Variants in SS18 observed in about 807,000 individuals in gnomAD.
The protein encoded by SS18 is protein SSXT.
In SS18, 28 loss-of-function variants were observed where a neutral mutation model predicts 72.5. The observed-to-expected ratio is 0.39, with a 90% CI of 0.29 to 0.53. The LOEUF is 0.53. Ranked by LOEUF, SS18 falls within the 20% of genes least tolerant of loss-of-function variation. SS18 has a pLI of 0.76. For missense variants in SS18, 518 were observed against 535.3 expected, an observed-to-expected ratio of 0.97 and a Z score of 0.32; for synonymous variants, 172 against 164.2, an observed-to-expected ratio of 1.05 and a Z score of -0.37.
intron 3 of SS18, among the ~76,000 whole-genome samples, chr18:26,072,167 G>C (rs2054321514): frequency 6.6e-6 from 1 of 151,966 alleles, no homozygotes; most frequent in African/African-American, 2.4e-5. Flanking sequence ...GAACAGAAAT[G>C]AAGTATTTTA....
At chr18:26,047,259 C>CAAAAAAAAA (rs71169806) in intron 5 of SS18, among the ~76,000 whole-genome samples, 133 of 75,328 alleles carry the variant, frequency 1.8e-3, no homozygotes, top group Non-Finnish European at 2.7e-3. Context: ...AGTAATATGC[C>CAAAAAAAAA]AAAAAAAAAA....
intron 5 of SS18, among the ~76,000 whole-genome samples, chr18:26,047,655 C>A (rs2053851779): frequency 6.6e-6 from 1 of 151,934 alleles, no homozygotes; most frequent in African/African-American, 2.4e-5. Flanking sequence ...TCCTGGCTAA[C>A]ACGGTGAAAC....
Position 26,057,786 on chromosome 18 carries a change from T to C in SS18, c.232-44A>G, listed in dbSNP as rs770098506. ...GTAAAACAAGAGAAACAGACTAATA[T>C]ACGAAAGATGCATAGGGTAAAAGAG... is the stretch of plus-strand genomic sequence containing the variant. On this transcript the variant is annotated intron_variant, in intron 3 of 10. Transcript: ENST00000415083. 3.9e-6 allele frequency: 6 copies of C among 1,542,126 alleles called. No homozygotes were observed. In the African/African-American group the frequency reaches 4.1e-5, roughly 11 times the overall value.
chr18:26,043,354 T>A (rs188617583), intron 5 of SS18, among the ~76,000 whole-genome samples: 12 of 152,282 alleles, frequency 7.9e-5, no homozygotes, highest in Admixed American at 5.9e-4. Flanking sequence ...CCTTAAAATA[T>A]AAGAAATTTC....
intron 2 of SS18, 152 bp downstream of exon 2, chr18:26,087,349 C>CGAA: frequency 1.8e-6 from 1 of 548,626 alleles, no homozygotes; most frequent in Non-Finnish European, 3.2e-6. Context: ...CAGCACAACT[C>CGAA]TATGAATATA....
At chr18:26,032,954 G>A (rs547186246) in intron 9 of SS18, among the ~76,000 whole-genome samples, 3 of 152,056 alleles carry the variant, frequency 2.0e-5, no homozygotes, top group Admixed American at 6.6e-5. Flanking sequence ...AGGAATAAAC[G>A]ATATTTACAA....
intron 3 of SS18, among the ~76,000 whole-genome samples, chr18:26,073,413 G>T (rs1214840090): frequency 1.3e-5 from 2 of 152,054 alleles, no homozygotes; most frequent in Non-Finnish European, 2.9e-5. Flanking sequence ...TATACCAAAA[G>T]AAAGTAAAAG....
chr18:26,088,628 T>C (rs2054658218), intron 1 of SS18, among the ~76,000 whole-genome samples: 1 of 152,182 alleles, frequency 6.6e-6, no homozygotes, highest in African/African-American at 2.4e-5. Context: ...AGAGTACTGA[T>C]TGTAGCAATT....
At chr18:26,034,426 G>A (rs1289652035) in intron 9 of SS18, among the ~76,000 whole-genome samples, 1 of 152,024 alleles carries the variant, frequency 6.6e-6, no homozygotes, top group East Asian at 1.9e-4. Context: ...CCAGGTAGCA[G>A]GTATTATAAG....
intron 3 of SS18, among the ~76,000 whole-genome samples, chr18:26,060,566 A>T (rs8095074): frequency 1.6e-5 from 2 of 127,262 alleles, no homozygotes; most frequent in Non-Finnish European, 3.2e-5. Context: ...TATCTCAATT[A>T]AAAAAAGAAT....
At chr18:26,076,283 A>G (rs2144131252) in intron 3 of SS18, among the ~76,000 whole-genome samples, 1 of 151,812 alleles carries the variant, frequency 6.6e-6, no homozygotes, top group Middle Eastern at 3.4e-3. Flanking sequence ...AAAAAAAAAA[A>G]GGAATAAGAT....
chr18:26,084,576 T>C (rs1445540577), intron 2 of SS18, among the ~76,000 whole-genome samples: 1 of 152,134 alleles, frequency 6.6e-6, no homozygotes, highest in African/African-American at 2.4e-5. Flanking sequence ...ATCAAAGTTA[T>C]CACCAATATT....
chr18:26,064,931 C>T (rs571453418), intron 3 of SS18: 4 of 152,026 alleles, frequency 2.6e-5, no homozygotes, highest in Admixed American at 6.5e-5. Flanking sequence ...TAAAGATCAA[C>T]TATATTTCTA....
At chr18:26,082,371 TATGA>T (rs1398452804) in intron 2 of SS18, 1 of 944,330 alleles carries the variant, frequency 1.1e-6, no homozygotes, top group Middle Eastern at 5.5e-4. Flanking sequence ...ACCTAGAAGC[TATGA>T]ATATTTATTA....
intron 10 of SS18, among the ~76,000 whole-genome samples, chr18:26,025,110 A>C (rs888619091): frequency 6.6e-5 from 10 of 152,130 alleles, no homozygotes; most frequent in African/African-American, 2.2e-4. Context: ...AAGATTTGAA[A>C]ATCTCCAAAT....
intron 3 of SS18, among the ~76,000 whole-genome samples, chr18:26,059,239 G>A (rs1392965553): frequency 6.6e-6 from 1 of 152,174 alleles, no homozygotes; most frequent in Admixed American, 6.5e-5. Flanking sequence ...AGGAACAGAA[G>A]GGGCTACAAC....
At chr18:26,046,176 A>G (rs1354386082) in intron 5 of SS18, among the ~76,000 whole-genome samples, 1 of 138,248 alleles carries the variant, frequency 7.2e-6, no homozygotes, top group Non-Finnish European at 1.5e-5. Flanking sequence ...TGGGTGACAG[A>G]GGAAGACTCC....
chr18:26,081,087 T>TTA (rs2054512056), intron 2 of SS18: 1 of 55,486 alleles, frequency 1.8e-5, no homozygotes, highest in East Asian at 6.3e-4. Flanking sequence ...AGACTCCGTC[T>TTA]CAAAAAAAAA....
intron 2 of SS18, chr18:26,079,134 A>G (rs1249015156): frequency 1.3e-5 from 2 of 152,258 alleles, no homozygotes; most frequent in African/African-American, 4.8e-5. Context: ...AACTACAGAA[A>G]AAAAGAGATA....
Sources: allele counts gnomAD v4.1 joint callset (sites outside exome capture counted in the v4.1 genomes callset), GRCh38; gene constraint gnomAD v4.1.1; transcripts MANE v1.5; gene names NCBI Gene and HGNC (gene_info 2026-07-23, HGNC 2026-07-21).